VASN: variants seen among roughly 807,000 people sequenced by gnomAD.
The protein encoded by VASN is vasorin.
In VASN, 5 loss-of-function variants were observed where a neutral mutation model predicts 4.8. The observed-to-expected ratio is 1.03, with a 90% confidence interval of 0.54 to 2.17. The LOEUF (loss-of-function observed/expected upper bound fraction) is 2.17. Among genes scored for constraint, VASN ranks in the 30% most tolerant of loss-of-function variants. The pLI is 0.01. For synonymous variants in VASN, 499 were observed against 460.8 expected, an observed-to-expected ratio of 1.08 and a Z score of -1.06; for missense variants, 927 against 948.8, an observed-to-expected ratio of 0.98 and a Z score of 0.30.
Position 4,381,866 on chromosome 16 carries a change from T to G in VASN, c.989T>G (p.Phe330Cys). Reference sequence around the variant, plus strand: ...AGCCCTGAGGAGACGCGCTGCCACTTCCCGCCCAAGAACGCTGGCCGGCTG... The same window carrying G: ...AGCCCTGAGGAGACGCGCTGCCACTGCCCGCCCAAGAACGCTGGCCGGCTG... Reference protein sequence around the residue: ...LASPEETRCHFPPKNAGRLLL... With the variant: ...LASPEETRCHCPPKNAGRLLL... The change falls in exon 2 of 2, where the codon TTC becomes TGC. Residue 330 changes from phenylalanine to cysteine, a missense_variant. By Grantham distance (205) the Phe-to-Cys change is radical. Transcript: ENST00000304735. The G allele has an allele frequency of 1.2e-6, 2 of 1,603,332 alleles. No individual in the cohort carries two copies. Among genetic ancestry groups the G allele is most frequent in the Non-Finnish European group, 1.7e-6 (2 of 1,179,702 alleles).
Position 4,382,216 on chromosome 16 carries a change from C to G in VASN, c.1339C>G (p.Gln447Glu), listed in dbSNP as rs774442951. 1.2e-6 allele frequency: 2 copies of G among 1,604,514 alleles called. No homozygotes were observed. Among genetic ancestry groups the G allele is most frequent in the Admixed American group, 3.4e-5 (2 of 59,192 alleles). ...TGLYCESQMGQGTRPSPTPVT... is the reference protein window; with the variant it reads ...TGLYCESQMGEGTRPSPTPVT... ...CCTGTACTGTGAGAGCCAGATGGGGCAGGGGACACGGCCCAGCCCTACACC... is the reference window on the plus strand; with the variant it reads ...CCTGTACTGTGAGAGCCAGATGGGGGAGGGGACACGGCCCAGCCCTACACC... Residue 447 changes from glutamine (Q) to glutamate (E), a missense_variant, in exon 2 of 2, where the codon CAG becomes GAG. Gln to Glu is a conservative substitution (Grantham distance 29, BLOSUM62 2). Coordinates refer to ENST00000304735, the MANE Select transcript of VASN (RefSeq NM_138440.3).
In VASN at chr16:4,377,234, T is replaced by A. The variant is rs542152730; in HGVS notation, c.-9-3635T>A. Reference sequence around the variant, plus strand: ...CTTCCCACCCCCCGACGTCCCCGAATCCCAGGAATCCCAGGGCTGCCTCCG... The same window carrying A: ...CTTCCCACCCCCCGACGTCCCCGAAACCCAGGAATCCCAGGGCTGCCTCCG... On this transcript the variant is annotated intron_variant, in intron 1 of 1. Coordinates refer to ENST00000304735, the MANE Select transcript of VASN (RefSeq NM_138440.3). Among the ~76,000 whole-genome samples the A allele has an allele frequency of 1.3e-3, 201 of 151,640 alleles. 1 individual carries two copies. Among genetic ancestry groups the A allele is most frequent in the African/African-American group, 4.6e-3 (192 of 41,318 alleles).
chr16:4,380,734 G>A lies in VASN; in HGVS notation c.-9-135G>A, dbSNP rs546954544. The A allele has an allele frequency of 1.2e-3, 1,228 of 1,025,026 alleles. 2 individuals are homozygous for A. The highest frequency in any genetic ancestry group is 1.5e-3 in the Non-Finnish European group (1,129 of 730,286). The allele number at this position is 1,025,026 out of a possible 1,614,324, so 63.5% of individuals were successfully genotyped here. A position where few individuals can be genotyped will look rare whatever the true frequency, so the allele number is the denominator to read the frequency against. ...ACAGAACCTGGGTCGGGGCACTGGC[G>A]ACCTGACTCATAACCATTGGGTTCT... On this transcript the variant is annotated intron_variant, in intron 1 of 1. Transcript: ENST00000304735.
At chr16:4,373,439 G>T (rs1485325648) in intron 1 of VASN, among the ~76,000 whole-genome samples, 1 of 152,130 alleles carries the variant, frequency 6.6e-6, no homozygotes, top group African/African-American at 2.4e-5. Flanking sequence ...GGGGCTGGGG[G>T]CTGGGGTCCC....
chr16:4,378,563 A>G (rs2054835381), intron 1 of VASN, among the ~76,000 whole-genome samples: 1 of 152,116 alleles, frequency 6.6e-6, no homozygotes, highest in South Asian at 2.1e-4. Flanking sequence ...AGCGGGTCCC[A>G]TGGGGGAAGA....
At chr16:4,373,234 G>A (rs900959346) in intron 1 of VASN, among the ~76,000 whole-genome samples, 1 of 152,168 alleles carries the variant, frequency 6.6e-6, no homozygotes, top group Non-Finnish European at 1.5e-5. Flanking sequence ...GAGGCAGGAA[G>A]AGGCTCTGGT....
At chr16:4,373,569 G>A (rs1396137613) in intron 1 of VASN, among the ~76,000 whole-genome samples, 1 of 152,152 alleles carries the variant, frequency 6.6e-6, no homozygotes, top group Non-Finnish European at 1.5e-5. Context: ...AGGCCCCTCT[G>A]GCACGCAGCC....
In VASN at chr16:4,382,807, G is replaced by A. The variant is rs1161339160; in HGVS notation, c.1930G>A (p.Ala644Thr). 2 of 1,593,162 alleles carry A rather than the reference G, an allele frequency of 1.3e-6. No homozygotes were observed. The highest frequency in any genetic ancestry group is 1.7e-5 in the Admixed American group (1 of 57,520). Residue 644 changes from alanine to threonine, a missense_variant, in exon 2 of 2, where the codon GCC becomes ACC. Coordinates refer to ENST00000304735, the MANE Select transcript of VASN (RefSeq NM_138440.3). ...GAAGGCAACAGAGGGCGGTGGAGAG[G>A]CCCTGCCCAGCGGGTCTGAGTGTGA... ...GPKATEGGGE[A>T]LPSGSECEVP... is the part of the protein sequence containing the mutation.
intron 1 of VASN, among the ~76,000 whole-genome samples, chr16:4,378,440 T>C (rs973619725): frequency 1.3e-5 from 2 of 152,044 alleles, no homozygotes; most frequent in African/African-American, 4.8e-5. Context: ...GGAGGGCTAA[T>C]TCAGGCAGAG....
At chr16:4,372,213 C>T (rs995170383) in intron 1 of VASN, among the ~76,000 whole-genome samples, 5 of 152,140 alleles carry the variant, frequency 3.3e-5, no homozygotes, top group Admixed American at 6.5e-5. Context: ...GGCCAGGGTG[C>T]GCGCCTGAGT....
chr16:4,376,147 C>CT (rs1471149764), intron 1 of VASN, among the ~76,000 whole-genome samples: 1 of 152,200 alleles, frequency 6.6e-6, no homozygotes, highest in African/African-American at 2.4e-5. Flanking sequence ...CCAGCCCTCT[C>CT]TGCCCCTTCT....
chr16:4,375,690 A>G (rs960138776), intron 1 of VASN, among the ~76,000 whole-genome samples: 3 of 152,136 alleles, frequency 2.0e-5, no homozygotes, highest in Non-Finnish European at 4.4e-5. Context: ...GGGTTTCACC[A>G]TGTTAGCCAG....
At chr16:4,379,135 C>T (rs1305220935) in intron 1 of VASN, among the ~76,000 whole-genome samples, 5 of 151,824 alleles carry the variant, frequency 3.3e-5, no homozygotes, top group Admixed American at 6.5e-5. Flanking sequence ...CAGCCTGGGG[C>T]GGAGTGCAGG....
In VASN at chr16:4,381,474, G is replaced by T; in HGVS notation, c.597G>T (p.Leu199=). 2.5e-6 allele frequency: 4 copies of T among 1,583,322 alleles called. No homozygotes were observed. Among genetic ancestry groups the T allele is most frequent in the Non-Finnish European group, 3.4e-6 (4 of 1,166,510 alleles). Residue 199 remains leucine, a synonymous_variant, in exon 2 of 2, where the codon CTG becomes CTT. Coordinates refer to ENST00000304735, the MANE Select transcript of VASN (RefSeq NM_138440.3). ...LDTANVEALR[L]AGLGLQQLDE... is the part of the protein sequence containing the mutation. The stretch of plus-strand genomic sequence containing the variant: ...CTGCCAACGTGGAGGCGCTGCGGCT[G>T]GCTGGTCTGGGGCTGCAGCAGCTGG...
intron 1 of VASN, among the ~76,000 whole-genome samples, chr16:4,380,594 C>CTGGGGTTCAGGAGGAAGCAGTGCA (rs2054921168): frequency 6.6e-6 from 1 of 152,228 alleles, no homozygotes; most frequent in Non-Finnish European, 1.5e-5. Flanking sequence ...GCAGGAGGGC[C>CTGGGGTTCAGGAGGAAGCAGTGCA]TGGGGTTCAG....
At position 4,381,079 on chromosome 16, in the gene VASN, G is replaced by A. The variant is rs1182285575; in HGVS notation, c.202G>A (p.Asp68Asn). The A allele has an allele frequency of 1.9e-6, 3 of 1,609,246 alleles. No homozygotes were observed. The highest frequency in any genetic ancestry group is 2.2e-5 in the East Asian group (1 of 44,586). Residue 68 changes from aspartate to asparagine, a missense_variant, in exon 2 of 2, where the codon GAC becomes AAC. Coordinates refer to ENST00000304735, the MANE Select transcript of VASN (RefSeq NM_138440.3). ...CTTTGAGAACGGCATCACCATGCTC[G>A]ACGCAGGCAGCTTTGCCGGCCTGCC... ...YVFENGITMLDAGSFAGLPGL... is the reference protein window; with the variant it reads ...YVFENGITMLNAGSFAGLPGL...
chr16:4,377,014 C>T (rs2054757054), intron 1 of VASN, among the ~76,000 whole-genome samples: 1 of 152,192 alleles, frequency 6.6e-6, no homozygotes, highest in African/African-American at 2.4e-5. Flanking sequence ...ACCAAGTCAC[C>T]CCAGACACAG....
At chr16:4,379,153 G>A (rs1015218115) in intron 1 of VASN, among the ~76,000 whole-genome samples, 9 of 152,096 alleles carry the variant, frequency 5.9e-5, no homozygotes, top group Admixed American at 2.6e-4. Flanking sequence ...AGGCTGGGTC[G>A]GGGTCGTGTT....
At chr16:4,380,115 C>G (rs562488086) in intron 1 of VASN, among the ~76,000 whole-genome samples, 1 of 151,854 alleles carries the variant, frequency 6.6e-6, no homozygotes, top group East Asian at 1.9e-4. Context: ...AGGCCTGGCA[C>G]TGCCCCTGGG....
Sources: allele counts gnomAD v4.1 joint callset (sites outside exome capture counted in the v4.1 genomes callset), GRCh38; gene constraint gnomAD v4.1.1; transcripts MANE v1.5; gene names NCBI Gene and HGNC (gene_info 2026-07-23, HGNC 2026-07-21).